Variants in LRP1B observed in about 807,000 individuals in gnomAD.
The protein encoded by LRP1B is LDL receptor related protein 1B, also known as low-density lipoprotein receptor-related protein 1B.
LRP1B carries 217 observed loss-of-function variants against 556.6 expected under a neutral mutation model. The observed-to-expected ratio is 0.39, with a 90% CI of 0.35 to 0.44. The LOEUF (loss-of-function observed/expected upper bound fraction) is 0.44. LRP1B is among the 20% of genes least tolerant of loss of function. The probability of loss-of-function intolerance (pLI) is 1.00; values close to 1 mark genes in which losing one functional copy is unlikely to be tolerated. For synonymous variants in LRP1B, 2,047 were observed against 1,865.8 expected, an observed-to-expected ratio of 1.10 and a Z score of -2.50; for missense variants, 5,053 against 5,620.8, an observed-to-expected ratio of 0.90 and a Z score of 3.23.
chr2:141,565,283 C>G (rs1035036070), intron 2 of LRP1B, among the ~76,000 whole-genome samples: 1 of 152,166 alleles, frequency 6.6e-6, no homozygotes. Context: ...CAGTGTGTTC[C>G]ACAGGGCTTA....
At chr2:141,865,470 T>C (rs574026000) in intron 1 of LRP1B, among the ~76,000 whole-genome samples, 4 of 148,512 alleles carry the variant, frequency 2.7e-5, no homozygotes, top group African/African-American at 7.4e-5. Flanking sequence ...CGGGCGCCTG[T>C]AGTCCCAGCT....
intron 21 of LRP1B, 102 bp downstream of exon 21, chr2:140,922,863 A>G: frequency 9.9e-7 from 1 of 1,013,116 alleles, no homozygotes. Flanking sequence ...TGCCAAAAAT[A>G]TAAGATTACT....
At chr2:141,605,961 AAC>A (rs1226360917) in intron 2 of LRP1B, among the ~76,000 whole-genome samples, 1 of 152,166 alleles carries the variant, frequency 6.6e-6, no homozygotes, top group Non-Finnish European at 1.5e-5. Context: ...GAAAAAAAAA[AAC>A]ATTGAGCCTA....
At chr2:141,544,353 T>TTCTTCTTCTTCTTCC (rs1685447207) in intron 2 of LRP1B, among the ~76,000 whole-genome samples, 3 of 90,830 alleles carry the variant, frequency 3.3e-5, no homozygotes, top group South Asian at 9.0e-4. Flanking sequence ...CTTCTTCTTC[T>TTCTTCTTCTTCTTCC]TCTTCTTCTT....
chr2:140,266,615 C>T lies in LRP1B; in HGVS notation c.13247+3627G>A, dbSNP rs145615070. Among the ~76,000 whole-genome samples the T allele has an allele frequency of 9.2e-5, 14 of 152,088 alleles. No homozygotes were observed. In the East Asian group the frequency reaches 2.7e-3, roughly 29 times the overall value. Reference sequence around the variant, plus strand: ...TATAACCTTTTTCTATTCTCAGCTACCTTGGCCTTTTATTTTTAGACCTAT... The same window carrying T: ...TATAACCTTTTTCTATTCTCAGCTATCTTGGCCTTTTATTTTTAGACCTAT... On this transcript the variant is annotated intron_variant, in intron 86 of 90. Transcript: ENST00000389484.
At chr2:141,788,409 A>G (rs1010782025) in intron 2 of LRP1B, among the ~76,000 whole-genome samples, 1 of 152,044 alleles carries the variant, frequency 6.6e-6, no homozygotes, top group Non-Finnish European at 1.5e-5. Context: ...TATTTACCAT[A>G]TATGAACAAT....
intron 1 of LRP1B, among the ~76,000 whole-genome samples, chr2:141,920,267 CTTCTT>C (rs1225285122): frequency 3.9e-5 from 3 of 76,944 alleles, no homozygotes; most frequent in African/African-American, 1.5e-4. Context: ...CAATTTTTTT[CTTCTT>C]TTTTTTTGGG....
chr2:140,882,834 C>A (rs923330269), intron 25 of LRP1B, among the ~76,000 whole-genome samples: 1 of 152,154 alleles, frequency 6.6e-6, no homozygotes, highest in Non-Finnish European at 1.5e-5. Context: ...CTCATTGGAG[C>A]TCCTCTCTCA....
At chr2:141,407,949 C>A (rs1690701243) in intron 3 of LRP1B, among the ~76,000 whole-genome samples, 1 of 152,034 alleles carries the variant, frequency 6.6e-6, no homozygotes, top group Admixed American at 6.6e-5. Context: ...AAGTGAAATT[C>A]AGAGTAATGG....
intron 3 of LRP1B, among the ~76,000 whole-genome samples, chr2:141,384,220 A>G (rs1356926399): frequency 3.9e-5 from 6 of 152,140 alleles, no homozygotes; most frequent in Non-Finnish European, 8.8e-5. Context: ...AAAAGTGAAA[A>G]CAGGAAAAAA....
At chr2:141,448,991 T>C (rs1161024950) in intron 3 of LRP1B, among the ~76,000 whole-genome samples, 1 of 152,252 alleles carries the variant, frequency 6.6e-6, no homozygotes, top group African/African-American at 2.4e-5. Context: ...TAGAGCAATA[T>C]GCTTTAAGAA....
intron 2 of LRP1B, among the ~76,000 whole-genome samples, chr2:141,505,376 T>G (rs1187767000): frequency 1.3e-5 from 2 of 152,044 alleles, no homozygotes; most frequent in African/African-American, 2.4e-5. Context: ...ACATTTTAAG[T>G]CCTGTTCAAC....
At chr2:140,722,522 C>T (rs749049834) in intron 35 of LRP1B, among the ~76,000 whole-genome samples, 1 of 152,116 alleles carries the variant, frequency 6.6e-6, no homozygotes, top group Non-Finnish European at 1.5e-5. Flanking sequence ...ATTAATACCT[C>T]TTAGTACAGT....
chr2:140,508,556 C>G (rs923727776), intron 52 of LRP1B, among the ~76,000 whole-genome samples: 1 of 151,994 alleles, frequency 6.6e-6, no homozygotes, highest in Non-Finnish European at 1.5e-5. Context: ...TGTATAGAAG[C>G]CACATAGAAG....
chr2:140,395,526 G>C (rs1684209413), intron 66 of LRP1B, among the ~76,000 whole-genome samples: 1 of 152,226 alleles, frequency 6.6e-6, no homozygotes, highest in African/African-American at 2.4e-5. Flanking sequence ...GACAGGTTAT[G>C]TGGACGCACC....
chr2:141,611,684 T>G (rs1250808575), intron 2 of LRP1B, among the ~76,000 whole-genome samples: 2 of 152,318 alleles, frequency 1.3e-5, no homozygotes, highest in East Asian at 3.9e-4. Flanking sequence ...ATCTTAATAT[T>G]GTTTAAATGG....
chr2:141,862,978 C>G (rs111405675), intron 1 of LRP1B, among the ~76,000 whole-genome samples: 25 of 152,104 alleles, frequency 1.6e-4, no homozygotes, highest in Non-Finnish European at 7.3e-5. Context: ...GCTGAATAGA[C>G]CTTCTTATTG....
chr2:141,036,236 T>TA lies in LRP1B; in HGVS notation c.1789+12749dup, dbSNP rs199732961. Among the ~76,000 whole-genome samples the TA allele has an allele frequency of 5.8e-4, 87 of 150,938 alleles. 2 individuals are homozygous for TA. In the East Asian group the frequency reaches 0.014, roughly 24 times the overall value. On this transcript the variant is annotated intron_variant, in intron 11 of 90. Coordinates refer to ENST00000389484, the MANE Select transcript of LRP1B (RefSeq NM_018557.3). ...AGAGGCGACTACCATAATAGCAGATTAAAAAAAAAGCTATAATAATAAAAT... is the reference window on the plus strand; with the variant it reads ...AGAGGCGACTACCATAATAGCAGATTAAAAAAAAAAGCTATAATAATAAAAT...
At chr2:141,695,613 G>C (rs967708683) in intron 2 of LRP1B, among the ~76,000 whole-genome samples, 1 of 151,834 alleles carries the variant, frequency 6.6e-6, no homozygotes, top group African/African-American at 2.4e-5. Context: ...TCCCAATGTT[G>C]CTATAAATAA....
Sources: allele counts gnomAD v4.1 joint callset (sites outside exome capture counted in the v4.1 genomes callset), GRCh38; gene constraint gnomAD v4.1.1; transcripts MANE v1.5; gene names NCBI Gene and HGNC (gene_info 2026-07-23, HGNC 2026-07-21).